FBXO10: variants seen among roughly 807,000 people sequenced by gnomAD.
FBXO10 encodes the protein F-box only protein 10.
A neutral mutation model predicts 80.7 loss-of-function variants in FBXO10; 39 were observed. That is an observed-to-expected ratio of 0.48 (90% CI 0.37 to 0.63). The LOEUF (loss-of-function observed/expected upper bound fraction) is 0.63, where lower values mean the gene tolerates loss of function less well. Ranked by LOEUF, FBXO10 falls within the 30% of genes least tolerant of loss-of-function variation. The pLI, the probability that FBXO10 is intolerant of heterozygous loss-of-function variation, is 0.00. For missense variants in FBXO10, 1,025 were observed against 1,269.0 expected, an observed-to-expected ratio of 0.81 and a Z score of 2.92; for synonymous variants, 449 against 489.6, an observed-to-expected ratio of 0.92 and a Z score of 1.09.
At chr9:37,529,933 C>T (rs1821576361) in intron 4 of FBXO10, among the ~76,000 whole-genome samples, 1 of 151,764 alleles carries the variant, frequency 6.6e-6, no homozygotes, top group South Asian at 2.1e-4. Flanking sequence ...CTTGGCCTCC[C>T]AAAGTGCTGG....
At chr9:37,529,596 C>T (rs1821565288) in intron 4 of FBXO10, among the ~76,000 whole-genome samples, 1 of 152,108 alleles carries the variant, frequency 6.6e-6, no homozygotes, top group Non-Finnish European at 1.5e-5. Flanking sequence ...TTTGGCCAGG[C>T]CATAACTTCT....
Position 37,541,352 on chromosome 9 carries a change from A to G in FBXO10, c.417T>C (p.Gly139=). The change falls in exon 2 of 11, where the codon GGT becomes GGC. Residue 139 remains glycine (G), a synonymous_variant. Transcript: ENST00000432825. ...TGATTTCACCTTGCTCTTCGTACAC[A>G]CCTGGGAAGAGCACAATTCGGTCAT... ...SLYDRIVLFP[G]VYEEQGEIIL... 2.5e-6 allele frequency: 4 copies of G among 1,613,920 alleles called. No homozygotes were observed. Among genetic ancestry groups the G allele is most frequent in the Non-Finnish European group, 3.4e-6 (4 of 1,179,868 alleles).
chr9:37,546,976 T>A (rs1459469523), intron 1 of FBXO10, among the ~76,000 whole-genome samples: 1 of 152,158 alleles, frequency 6.6e-6, no homozygotes, highest in East Asian at 1.9e-4. Context: ...CCACCGCACC[T>A]GGCCTTAGAA....
chr9:37,559,060 C>T lies in FBXO10; in HGVS notation c.-7+17151G>A, dbSNP rs192153756. On this transcript the variant is annotated intron_variant, in intron 1 of 10. Transcript: ENST00000432825. Reference sequence around the variant, plus strand: ...CTGACCTCAGGTGATCCGCCCGCCTCGGCCTCCCAGAGTGCTGGGATTACA... The same window carrying T: ...CTGACCTCAGGTGATCCGCCCGCCTTGGCCTCCCAGAGTGCTGGGATTACA... Among the ~76,000 whole-genome samples the T allele has an allele frequency of 3.3e-5, 5 of 152,278 alleles. No homozygotes were observed. The East Asian group carries it at 5.8e-4, about 18-fold the overall frequency.
chr9:37,516,217 G>A (rs1256410909), intron 9 of FBXO10, 132 bp from the exon 10 acceptor site: 1 of 970,812 alleles, frequency 1.0e-6, no homozygotes, highest in Non-Finnish European at 1.5e-6. Flanking sequence ...GAGCCTATGA[G>A]CTCAAAGAAG....
Position 37,516,980 on chromosome 9 carries a change from A to C in FBXO10, c.2515-895T>G, listed in dbSNP as rs570018679. 6.6e-5 allele frequency among the ~76,000 whole-genome samples: 10 copies of C among 152,128 alleles called. No homozygotes were observed. In the East Asian group the frequency reaches 1.5e-3, roughly 24 times the overall value. On this transcript the variant is annotated intron_variant, in intron 9 of 10. Transcript: ENST00000432825. ...CATCTCAAAAAAAAAAAAAACAAAA[A>C]AAAGGTGGTATATATATACCACAGA...
chr9:37,528,903 T>C (rs774653218), intron 5 of FBXO10, among the ~76,000 whole-genome samples: 10 of 152,170 alleles, frequency 6.6e-5, no homozygotes, highest in Non-Finnish European at 1.3e-4. Context: ...AGCCTGCCCA[T>C]GTTGGAAGTG....
chr9:37,522,063 T>C (rs905195311), intron 7 of FBXO10, among the ~76,000 whole-genome samples: 1 of 152,174 alleles, frequency 6.6e-6, no homozygotes, highest in Non-Finnish European at 1.5e-5. Context: ...CCACACAGTG[T>C]GAAAGTGCTC....
chr9:37,537,063 C>T (rs1255334348), intron 3 of FBXO10, 47 bp downstream of exon 3: 5 of 1,451,052 alleles, frequency 3.4e-6, no homozygotes, highest in Non-Finnish European at 4.7e-6. Flanking sequence ...ACCCTTCCTA[C>T]ATATAGCCAC....
chr9:37,526,200 A>G (rs568911869), intron 5 of FBXO10, among the ~76,000 whole-genome samples: 4 of 152,302 alleles, frequency 2.6e-5, no homozygotes, highest in East Asian at 3.9e-4. Context: ...GATGAGCACA[A>G]TTTGAGTCCT....
At chr9:37,512,822 G>A (rs1821096628) in intron 10 of FBXO10, 101 bp from the exon 11 acceptor site, 1 of 1,244,606 alleles carries the variant, frequency 8.0e-7, no homozygotes, top group Non-Finnish European at 1.1e-6. Flanking sequence ...GGTGGATCCA[G>A]GTGTTTAAAT....
Position 37,541,437 on chromosome 9 carries a change from C to T in FBXO10, c.332G>A (p.Ser111Asn). The T allele has an allele frequency of 6.2e-7, 1 of 1,614,048 alleles. No homozygotes were observed. The highest frequency in any genetic ancestry group is 8.5e-7 in the Non-Finnish European group (1 of 1,179,896). Reference protein sequence around the residue: ...FRRRRERRTLSVGPGREFDSL... With the variant: ...FRRRRERRTLNVGPGREFDSL... Reference sequence around the variant, plus strand: ...GTCAAACTCACGGCCTGGCCCAACACTCAGGGTACGTCGTTCCCTCCTCCG... The same window carrying T: ...GTCAAACTCACGGCCTGGCCCAACATTCAGGGTACGTCGTTCCCTCCTCCG... Residue 111 changes from serine (S) to asparagine (N), a missense_variant, in exon 2 of 11, where the codon AGT becomes AAT. This residue lies in a region of FBXO10 where 450 missense variants were observed against 499.4 expected (regional missense o/e 0.90). Transcript: ENST00000432825.
intron 3 of FBXO10, chr9:37,535,934 C>T (rs916800113): frequency 6.6e-6 from 1 of 152,216 alleles, no homozygotes; most frequent in African/African-American, 2.4e-5. Context: ...AGAATGCCCT[C>T]CTTGAGGGCT....
At position 37,537,498 on chromosome 9, in the gene FBXO10, C is replaced by T; in HGVS notation, c.1031G>A (p.Gly344Asp). 1 of 1,611,210 alleles carries T rather than the reference C, an allele frequency of 6.2e-7. No individual in the cohort carries two copies. The highest frequency in any genetic ancestry group is 8.5e-7 in the Non-Finnish European group (1 of 1,178,750). ...GTCCGGGGTCTGGGCCACCCTTTCA[C>T]CATCACTACCCACCTCTGCCTCCTG... ...GSQEAEVGSD[G>D]ERVAQTPDSS... Residue 344 changes from glycine to aspartate, a missense_variant, in exon 3 of 11, where the codon GGT becomes GAT. Transcript: ENST00000432825.
At chr9:37,555,376 TTG>T (rs1358690311) in intron 1 of FBXO10, among the ~76,000 whole-genome samples, 1 of 152,104 alleles carries the variant, frequency 6.6e-6, no homozygotes, top group Non-Finnish European at 1.5e-5. Context: ...TTCAAATCTT[TTG>T]TCTTTTTTTT....
intron 3 of FBXO10, among the ~76,000 whole-genome samples, chr9:37,534,770 C>T (rs1320997398): frequency 6.6e-6 from 1 of 152,098 alleles, no homozygotes; most frequent in East Asian, 1.9e-4. Flanking sequence ...GTGTTCTTTC[C>T]CCCTAACTCT....
At chr9:37,569,952 C>T (rs746954400) in intron 1 of FBXO10, among the ~76,000 whole-genome samples, 5 of 152,042 alleles carry the variant, frequency 3.3e-5, no homozygotes, top group African/African-American at 1.2e-4. Flanking sequence ...ACACATTTCT[C>T]GAATATAATA....
intron 10 of FBXO10, among the ~76,000 whole-genome samples, chr9:37,514,177 G>C (rs1484396242): frequency 1.3e-5 from 2 of 152,222 alleles, no homozygotes; most frequent in Non-Finnish European, 2.9e-5. Context: ...TTGGCTACTA[G>C]CATGTGAATA....
At chr9:37,569,447 T>C (rs1353948116) in intron 1 of FBXO10, among the ~76,000 whole-genome samples, 3 of 150,134 alleles carry the variant, frequency 2.0e-5, no homozygotes, top group Non-Finnish European at 3.0e-5. Flanking sequence ...ATAATTATAC[T>C]TGGATATTTA....
Sources: gnomAD v4.1 joint callset for allele counts (sites outside exome capture counted in the v4.1 genomes callset) on GRCh38, gnomAD v4.1.1 for gene constraint, gnomAD v4.1.1 regional missense constraint, MANE v1.5 for transcripts, NCBI Gene and HGNC (gene_info 2026-07-23, HGNC 2026-07-21) for gene names.